DCC: variants seen among roughly 807,000 people sequenced by gnomAD.
DCC encodes the protein DCC netrin 1 receptor.
Under a neutral mutation model 172.5 loss-of-function variants are expected in DCC, and 58 were observed. The observed-to-expected ratio is 0.34, with a 90% CI of 0.27 to 0.42. The LOEUF (loss-of-function observed/expected upper bound fraction) is 0.42. Among genes scored for constraint, DCC ranks in the 10% least tolerant of loss-of-function variants. The pLI is 1.00. For synonymous variants in DCC, 709 were observed against 644.5 expected, an observed-to-expected ratio of 1.10 and a Z score of -1.52; for missense variants, 1,740 against 1,791.0, an observed-to-expected ratio of 0.97 and a Z score of 0.51.
intron 23 of DCC, 111 bp from the exon 24 acceptor site, chr18:53,459,121 C>A: frequency 1.1e-6 from 1 of 888,146 alleles, no homozygotes; most frequent in Non-Finnish European, 1.8e-6. Context: ...AGGGCTCATT[C>A]TGCGAGTCCT....
chr18:52,750,563 T>C (rs899839648), intron 1 of DCC, among the ~76,000 whole-genome samples: 1 of 152,198 alleles, frequency 6.6e-6, no homozygotes, highest in Non-Finnish European at 1.5e-5. Context: ...TATATGACAG[T>C]GAGCGACACA....
In DCC at chr18:52,497,347, A is replaced by ATGTG. The variant is rs1210669159; in HGVS notation, c.91+156470_91+156471insGTGT. ...CACATATATATACACACGTATGCAT[A>ATGTG]TATATATACACACATATACATATGT... is the stretch of plus-strand genomic sequence containing the variant. On this transcript the variant is annotated intron_variant, in intron 1 of 28. Coordinates refer to ENST00000442544, the MANE Select transcript of DCC (RefSeq NM_005215.4). Among the ~76,000 whole-genome samples the ATGTG allele has an allele frequency of 9.1e-5, 12 of 131,886 alleles. 1 individual carries two copies. Among genetic ancestry groups the ATGTG allele is most frequent in the East Asian group, 4.3e-4 (2 of 4,652 alleles). The allele number at this position is 131,886 out of a possible 152,430, so 86.5% of individuals were successfully genotyped here.
In DCC at chr18:53,459,476, G is replaced by A. The variant is rs752467777; in HGVS notation, c.3619+18G>A. The A allele has an allele frequency of 2.7e-6, 4 of 1,485,668 alleles. No individual in the cohort carries two copies. The South Asian group carries it at 4.5e-5, about 17-fold the overall frequency. The allele number at this position is 1,485,668 out of a possible 1,614,324, so 92.0% of individuals were successfully genotyped here. On this transcript the variant is annotated intron_variant, in intron 24 of 28. Transcript: ENST00000442544. Reference sequence around the variant, plus strand: ...TCATTCAGGTAATTATCTTTTCACTGGCATTAGGGAAAACATACCATTCTG... The same window carrying A: ...TCATTCAGGTAATTATCTTTTCACTAGCATTAGGGAAAACATACCATTCTG...
chr18:52,512,835 G>A (rs1007228173), intron 1 of DCC, among the ~76,000 whole-genome samples: 4 of 152,178 alleles, frequency 2.6e-5, no homozygotes, highest in Non-Finnish European at 1.5e-5. Flanking sequence ...CATCTCATTA[G>A]ATGTGGTATC....
At chr18:53,087,839 G>T (rs2144165262) in intron 7 of DCC, among the ~76,000 whole-genome samples, 3 of 152,038 alleles carry the variant, frequency 2.0e-5, no homozygotes, top group Non-Finnish European at 4.4e-5. Flanking sequence ...AGTTTTCCCA[G>T]CACCATTTAT....
At chr18:52,871,398 A>G (rs1216522452) in intron 2 of DCC, among the ~76,000 whole-genome samples, 1 of 152,078 alleles carries the variant, frequency 6.6e-6, no homozygotes, top group Non-Finnish European at 1.5e-5. Flanking sequence ...AACAGTCTGT[A>G]GGACTGGTTT....
At chr18:52,880,245 T>A (rs1481520079) in intron 2 of DCC, among the ~76,000 whole-genome samples, 1 of 152,152 alleles carries the variant, frequency 6.6e-6, no homozygotes, top group Non-Finnish European at 1.5e-5. Flanking sequence ...CAAGCAATTC[T>A]TGTGTCTCAG....
intron 7 of DCC, among the ~76,000 whole-genome samples, chr18:53,126,530 A>G (rs1033659061): frequency 3.3e-5 from 5 of 152,160 alleles, no homozygotes; most frequent in Non-Finnish European, 7.4e-5. Context: ...AAGCACAGAA[A>G]ACAGTTGGGG....
intron 1 of DCC, among the ~76,000 whole-genome samples, chr18:52,359,320 G>A (rs533083936): frequency 1.3e-5 from 2 of 152,180 alleles, no homozygotes; most frequent in South Asian, 4.2e-4. Flanking sequence ...GAAGTGATGT[G>A]GTACATATTG....
rs182250599 is a variant in DCC at position 53,491,795 on chromosome 18, A to G, written c.3898+4837A>G. On this transcript the variant is annotated intron_variant, in intron 26 of 28. Coordinates refer to ENST00000442544, the MANE Select transcript of DCC (RefSeq NM_005215.4). Reference sequence around the variant, plus strand: ...AGTGCCACAATAAATATACACATGCATGTTTCTTTATAGTAGAATGATTTA... The same window carrying G: ...AGTGCCACAATAAATATACACATGCGTGTTTCTTTATAGTAGAATGATTTA... 1.7e-3 allele frequency among the ~76,000 whole-genome samples: 262 copies of G among 152,288 alleles called. 2 individuals carry two copies. The highest frequency in any genetic ancestry group is 6.0e-3 in the African/African-American group (251 of 41,556).
intron 5 of DCC, among the ~76,000 whole-genome samples, chr18:52,927,145 A>ACACGTATATACG (rs1568192186): frequency 5.4e-5 from 4 of 74,560 alleles, no homozygotes; most frequent in African/African-American, 1.5e-4. Context: ...ACGTGTATAT[A>ACACGTATATACG]TGTGTATATA....
chr18:53,142,339 T>G (rs1298846971), intron 7 of DCC, among the ~76,000 whole-genome samples: 1 of 152,220 alleles, frequency 6.6e-6, no homozygotes, highest in Admixed American at 6.5e-5. Flanking sequence ...TTTTCCACCC[T>G]TTAGAATTAA....
intron 27 of DCC, among the ~76,000 whole-genome samples, chr18:53,517,385 A>G (rs1442758967): frequency 1.3e-5 from 2 of 151,724 alleles, no homozygotes; most frequent in African/African-American, 4.8e-5. Flanking sequence ...CCAGCATGGC[A>G]CATGTATACA....
At chr18:52,835,139 T>C (rs1332562852) in intron 2 of DCC, among the ~76,000 whole-genome samples, 3 of 152,214 alleles carry the variant, frequency 2.0e-5, no homozygotes, top group African/African-American at 7.2e-5. Flanking sequence ...CATGGGTGTT[T>C]TGTAATTCAT....
At chr18:52,996,809 G>A (rs1219818297) in intron 5 of DCC, among the ~76,000 whole-genome samples, 9 of 122,392 alleles carry the variant, frequency 7.4e-5, no homozygotes, top group African/African-American at 2.8e-4. Context: ...TCTGAAGTTA[G>A]AAACACACAC....
Position 53,428,325 on chromosome 18 carries a change from A to ATCT in DCC, c.3164-6818_3164-6817insCTT, listed in dbSNP as rs1555670524. 3.6e-5 allele frequency among the ~76,000 whole-genome samples: 2 copies of ATCT among 55,948 alleles called. 1 individual carries two copies. Among genetic ancestry groups the ATCT allele is most frequent in the African/African-American group, 1.2e-4 (2 of 16,648 alleles). The allele number at this position is 55,948 out of a possible 152,430, so 36.7% of individuals were successfully genotyped here. On this transcript the variant is annotated intron_variant, in intron 21 of 28. Transcript: ENST00000442544. ...TATATAGAATATAATATATAATATAATATAATATATTGTATATAATATAAT... is the reference window on the plus strand; with the variant it reads ...TATATAGAATATAATATATAATATAATCTTATAATATATTGTATATAATATAAT...
At chr18:53,057,519 G>T (rs2042426405) in intron 5 of DCC, among the ~76,000 whole-genome samples, 1 of 151,998 alleles carries the variant, frequency 6.6e-6, no homozygotes, top group Non-Finnish European at 1.5e-5. Flanking sequence ...AGAAGTACTT[G>T]CAAAGGTCCT....
intron 1 of DCC, among the ~76,000 whole-genome samples, chr18:52,475,451 C>T (rs1289102345): frequency 2.6e-5 from 4 of 151,704 alleles, no homozygotes; most frequent in Non-Finnish European, 5.9e-5. Flanking sequence ...TTGCTTGGCC[C>T]GTAATTACTT....
intron 1 of DCC, among the ~76,000 whole-genome samples, chr18:52,398,100 T>C (rs988167308): frequency 5.9e-5 from 9 of 151,856 alleles, no homozygotes; most frequent in African/African-American, 1.9e-4. Flanking sequence ...GATACATATA[T>C]TGGGGTAATG....
Sources: gnomAD v4.1 joint callset for allele counts (sites outside exome capture counted in the v4.1 genomes callset) on GRCh38, gnomAD v4.1.1 for gene constraint, MANE v1.5 for transcripts, NCBI Gene and HGNC (gene_info 2026-07-23, HGNC 2026-07-21) for gene names.